KLHL29: variants seen among roughly 807,000 people sequenced by gnomAD.
KLHL29 encodes kelch like family member 29.
A neutral mutation model predicts 80.4 loss-of-function variants in KLHL29; 21 were observed. The observed-to-expected ratio is 0.26, with a 90% CI of 0.19 to 0.38. The LOEUF (loss-of-function observed/expected upper bound fraction) is 0.38, where lower values mean the gene tolerates loss of function less well. Ranked by LOEUF, KLHL29 falls within the 10% of genes least tolerant of loss-of-function variation. The pLI is 1.00. For synonymous variants in KLHL29, 511 were observed against 526.8 expected, an observed-to-expected ratio of 0.97 and a Z score of 0.41; for missense variants, 867 against 1,223.9, an observed-to-expected ratio of 0.71 and a Z score of 4.35.
chr2:23,440,985 A>T (rs1169387010), intron 1 of KLHL29, among the ~76,000 whole-genome samples: 1 of 152,168 alleles, frequency 6.6e-6, no homozygotes, highest in Non-Finnish European at 1.5e-5. Flanking sequence ...CTGGGTATAT[A>T]CCCAAAGGGC....
intron 2 of KLHL29, among the ~76,000 whole-genome samples, chr2:23,522,032 C>T (rs1035161516): frequency 4.6e-5 from 7 of 152,240 alleles, no homozygotes; most frequent in African/African-American, 7.2e-5. Flanking sequence ...TAGTACCCAC[C>T]TGACCTGCTG....
chr2:23,634,754 C>G (rs1252839155), intron 3 of KLHL29, among the ~76,000 whole-genome samples: 1 of 152,196 alleles, frequency 6.6e-6, no homozygotes, highest in African/African-American at 2.4e-5. Context: ...ACACCCGGCC[C>G]CCATGACGTG....
intron 5 of KLHL29, among the ~76,000 whole-genome samples, chr2:23,676,435 G>A (rs1158068880): frequency 6.6e-6 from 1 of 152,196 alleles, no homozygotes; most frequent in Non-Finnish European, 1.5e-5. Context: ...GCCCGCCTCA[G>A]CCTCCCAAAG....
chr2:23,651,964 A>G (rs1670099248), intron 5 of KLHL29, among the ~76,000 whole-genome samples: 1 of 152,150 alleles, frequency 6.6e-6, no homozygotes, highest in African/African-American at 2.4e-5. Flanking sequence ...CTTTCTCCAG[A>G]TACAATCACA....
chr2:23,432,785 C>G (rs1233638625), intron 1 of KLHL29, among the ~76,000 whole-genome samples: 1 of 152,214 alleles, frequency 6.6e-6, no homozygotes, highest in Non-Finnish European at 1.5e-5. Context: ...GGCAACAGAG[C>G]AGAGGGAGTC....
rs185452626 is a variant in KLHL29, at chr2:23,392,525, A to T, written c.-154+6745A>T. ...CAATAATATAATAATAATAGCTTCCAGTTATGGCTGCTCACTATATCCGAG... is the reference window on the plus strand; with the variant it reads ...CAATAATATAATAATAATAGCTTCCTGTTATGGCTGCTCACTATATCCGAG... On this transcript the variant is annotated intron_variant, in intron 1 of 13. Transcript: ENST00000486442. 2.6e-5 allele frequency among the ~76,000 whole-genome samples: 4 copies of T among 152,210 alleles called. No individual in the cohort carries two copies. The East Asian group carries it at 7.7e-4, about 29-fold the overall frequency.
intron 1 of KLHL29, among the ~76,000 whole-genome samples, chr2:23,386,887 G>A (rs76412033): frequency 0.057 from 8,604 of 152,110 alleles, 551 homozygotes; most frequent in East Asian, 0.27. Flanking sequence ...CCGTCTCGGA[G>A]GAGGGGGTGG....
intron 8 of KLHL29, among the ~76,000 whole-genome samples, chr2:23,694,303 G>A (rs998242293): frequency 3.3e-5 from 5 of 152,054 alleles, no homozygotes; most frequent in Non-Finnish European, 5.9e-5. Context: ...TAGCCATTTC[G>A]CTACACGCGC....
chr2:23,563,952 C>G (rs1667520590), intron 3 of KLHL29, among the ~76,000 whole-genome samples: 1 of 152,268 alleles, frequency 6.6e-6, no homozygotes, highest in South Asian at 2.1e-4. Context: ...AGCCCGAGCG[C>G]TGGTCTGACT....
chr2:23,436,810 A>T (rs530547065), intron 1 of KLHL29, among the ~76,000 whole-genome samples: 34 of 152,324 alleles, frequency 2.2e-4, no homozygotes, highest in African/African-American at 7.9e-4. Context: ...TCATGCCCAT[A>T]GCTATAAATT....
At position 23,696,270 on chromosome 2, in the gene KLHL29, GC is replaced by G. The variant is rs1671950293; in HGVS notation, c.1925-61del. 9 of 1,513,864 alleles carry G rather than the reference GC, an allele frequency of 5.9e-6. No individual in the cohort carries two copies. The Admixed American group carries it at 1.6e-4, about 27-fold the overall frequency. 93.8% of individuals were successfully genotyped at this position (1,513,864 alleles called of 1,614,324 possible). On this transcript the variant is annotated intron_variant, in intron 10 of 13. Transcript: ENST00000486442. This position sits in a 1 kb window ranked among gnomAD's most constrained non-coding sequence, Gnocchi z 5.5. ...AGCCTTCCTCTGCCCCTGGGGCTGGGCCTGCTGACCCCAGGCCCCTCCTCAC... is the reference window on the plus strand; with the variant it reads ...AGCCTTCCTCTGCCCCTGGGGCTGGGCTGCTGACCCCAGGCCCCTCCTCAC...
At chr2:23,511,727 C>T (rs1044415224) in intron 2 of KLHL29, among the ~76,000 whole-genome samples, 2 of 152,118 alleles carry the variant, frequency 1.3e-5, no homozygotes, top group Non-Finnish European at 2.9e-5. Flanking sequence ...CCTGACACAT[C>T]GTCACTTAAC....
At chr2:23,628,964 C>T (rs1197102274) in intron 3 of KLHL29, among the ~76,000 whole-genome samples, 1 of 152,204 alleles carries the variant, frequency 6.6e-6, no homozygotes, top group East Asian at 1.9e-4. Flanking sequence ...GCAGGGGCTG[C>T]CCCTGCCGTG....
At chr2:23,667,469 AT>A (rs1326691807) in intron 5 of KLHL29, 1 of 152,276 alleles carries the variant, frequency 6.6e-6, no homozygotes, top group African/African-American at 2.4e-5. Context: ...GGACAGGCCT[AT>A]GGCAGATGTC....
chr2:23,401,696 G>A (rs1038999184), intron 1 of KLHL29, among the ~76,000 whole-genome samples: 2 of 152,232 alleles, frequency 1.3e-5, no homozygotes, highest in African/African-American at 2.4e-5. Context: ...GGGAGGGGCA[G>A]GAAGGTGCAT....
intron 2 of KLHL29, among the ~76,000 whole-genome samples, chr2:23,536,630 C>A (rs1183054846): frequency 6.6e-6 from 1 of 152,164 alleles, no homozygotes; most frequent in Non-Finnish European, 1.5e-5. Context: ...GGCTGCCAAC[C>A]TTTTCGTTTA....
intron 3 of KLHL29, among the ~76,000 whole-genome samples, chr2:23,627,906 G>T (rs895279230): frequency 1.9e-5 from 1 of 51,634 alleles, no homozygotes. Flanking sequence ...AGGAGGCCAG[G>T]AGTCTTTTTT....
intron 1 of KLHL29, among the ~76,000 whole-genome samples, chr2:23,418,574 G>A (rs998433994): frequency 2.0e-5 from 3 of 152,200 alleles, no homozygotes; most frequent in South Asian, 4.1e-4. Flanking sequence ...TCCACGGACT[G>A]TTGCTGACAC....
rs148238955 is a variant in KLHL29, at chr2:23,678,328, G to A, written c.941-6071G>A. Among the ~76,000 whole-genome samples the A allele has an allele frequency of 2.9e-3, 438 of 152,290 alleles. 1 individual carries two copies. The highest frequency in any genetic ancestry group is 5.4e-3 in the Non-Finnish European group (370 of 68,028). On this transcript the variant is annotated intron_variant, in intron 5 of 13. Coordinates refer to ENST00000486442, the MANE Select transcript of KLHL29 (RefSeq NM_052920.2). ...GAACCAATGGGGTTTGAGACGGGTC[G>A]TTAGAGGGGATATCTGGTCCATAAC...
Sources: gnomAD v4.1 joint callset for allele counts (sites outside exome capture counted in the v4.1 genomes callset) on GRCh38, gnomAD v4.1.1 for gene constraint, Gnocchi (gnomAD v3.1) non-coding constraint, MANE v1.5 for transcripts, NCBI Gene and HGNC (gene_info 2026-07-23, HGNC 2026-07-21) for gene names.